SFI1: variants seen among roughly 807,000 people sequenced by gnomAD.
The protein encoded by SFI1 is SFI1 centrin binding protein, also known as protein SFI1 homolog.
Under a neutral mutation model 207.5 loss-of-function variants are expected in SFI1, and 195 were observed. That is an observed-to-expected ratio of 0.94 (90% CI 0.84 to 1.06). The LOEUF is 1.06. Among genes scored for constraint, SFI1 ranks in the 50% least tolerant of loss-of-function variants. SFI1 has a pLI of 0.00. For synonymous variants in SFI1, 630 were observed against 598.9 expected (o/e 1.05, Z -0.76); for missense variants, 1,634 against 1,588.0 (o/e 1.03, Z -0.49).
intron 6 of SFI1, among the ~76,000 whole-genome samples, chr22:31,550,970 C>G (rs894157719): frequency 2.0e-5 from 3 of 152,214 alleles, no homozygotes; most frequent in Non-Finnish European, 4.4e-5. Context: ...TTTGACTCTT[C>G]TGTCTAGGAA....
chr22:31,504,647 G>C (rs2054340784), intron 1 of SFI1, among the ~76,000 whole-genome samples: 1 of 152,102 alleles, frequency 6.6e-6, no homozygotes, highest in African/African-American at 2.4e-5. Context: ...TTCTTTCACA[G>C]TTTTAGAGGC....
At chr22:31,562,390 A>G (rs964996411) in intron 8 of SFI1, among the ~76,000 whole-genome samples, 1 of 151,534 alleles carries the variant, frequency 6.6e-6, no homozygotes, top group African/African-American at 2.4e-5. Flanking sequence ...AACAGTACCA[A>G]TAGCAGTAGC....
chr22:31,615,350 C>A, intron 29 of SFI1, 71 bp downstream of exon 29: 1 of 1,325,044 alleles, frequency 7.5e-7, no homozygotes, highest in Non-Finnish European at 9.9e-7. Context: ...CTTTCTCATG[C>A]CACAGCTGTA....
At chr22:31,588,003 T>C (rs1419193974) in intron 14 of SFI1, 3 of 152,204 alleles carry the variant, frequency 2.0e-5, no homozygotes, top group East Asian at 3.8e-4. Flanking sequence ...CAATTATCTA[T>C]TGCTATGTAA....
chr22:31,586,893 C>T (rs2065092538), intron 14 of SFI1, among the ~76,000 whole-genome samples: 1 of 152,166 alleles, frequency 6.6e-6, no homozygotes, highest in South Asian at 2.1e-4. Context: ...ATGGGAAGAG[C>T]ACTGCTTAGT....
chr22:31,521,443 C>A, intron 2 of SFI1: 1 of 161,616 alleles, frequency 6.2e-6, no homozygotes, highest in South Asian at 1.7e-4. Context: ...GCAGTCACGC[C>A]CCTACACATC....
At chr22:31,549,553 C>T (rs1480291595) in intron 5 of SFI1, among the ~76,000 whole-genome samples, 4 of 151,630 alleles carry the variant, frequency 2.6e-5, no homozygotes, top group Admixed American at 6.6e-5. Context: ...TTAGTAAAGA[C>T]GGGGTTTCAC....
intron 5 of SFI1, among the ~76,000 whole-genome samples, chr22:31,549,426 CA>C (rs2060425601): frequency 6.6e-6 from 1 of 150,824 alleles, no homozygotes; most frequent in Non-Finnish European, 1.5e-5. Flanking sequence ...TGGCTCACTG[CA>C]ACCACTGCCT....
In SFI1 at chr22:31,585,128, C is replaced by G. The variant is rs761359396; in HGVS notation, c.1407C>G (p.Tyr469Ter). The change falls in exon 14 of 33, where the codon TAC (tyrosine) becomes TAG (stop). Residue 469 changes from tyrosine to a stop codon, truncating the protein, a stop_gained. Coordinates refer to ENST00000400288, the MANE Select transcript of SFI1 (RefSeq NM_001007467.3). LOFTEE classifies it high-confidence loss of function. The part of the protein sequence containing the change: ...LWLQYTQKRR[Y>*]KQLLQARADG... ...TACAGTATACTCAGAAGAGGCGGTA[C>G]AAGCAGGTATGGAGTACTTTTTAGC... is the stretch of plus-strand genomic sequence containing the variant. 2.5e-6 allele frequency: 4 copies of G among 1,613,728 alleles called. No individual in the cohort carries two copies.
At chr22:31,548,046 C>G (rs919278252) in intron 5 of SFI1, among the ~76,000 whole-genome samples, 1 of 151,572 alleles carries the variant, frequency 6.6e-6, no homozygotes, top group Middle Eastern at 3.4e-3. Flanking sequence ...AACCCCGTCT[C>G]TACTAAAAAA....
chr22:31,524,141 G>A (rs1007138227), intron 2 of SFI1, among the ~76,000 whole-genome samples: 5 of 152,004 alleles, frequency 3.3e-5, no homozygotes, highest in Admixed American at 6.6e-5. Flanking sequence ...GGCGGAGGTT[G>A]CAGTGAGCCG....
At chr22:31,564,554 G>C (rs1254840839) in intron 8 of SFI1, among the ~76,000 whole-genome samples, 1 of 151,960 alleles carries the variant, frequency 6.6e-6, no homozygotes, top group Non-Finnish European at 1.5e-5. Context: ...GCCCAGTCTG[G>C]AGTGCAGTGG....
chr22:31,606,156 C>A (rs916506498), intron 20 of SFI1, 172 bp from the exon 21 acceptor site: 5 of 634,948 alleles, frequency 7.9e-6, no homozygotes, highest in African/African-American at 7.3e-5. Context: ...TGCTCAGTAG[C>A]CATTTGTTGG....
rs2065208023 is a variant in SFI1, at chr22:31,587,591, C to T, written c.1414-1856C>T. ...AAGTGCTGGGATTACAGGCATGAGC[C>T]ACTGCACCCGGCCTGCTATACCATT... is the stretch of plus-strand genomic sequence containing the variant. On this transcript the variant is annotated intron_variant, in intron 14 of 32. Coordinates refer to ENST00000400288, the MANE Select transcript of SFI1 (RefSeq NM_001007467.3). 3.8e-5 allele frequency: 6 copies of T among 158,654 alleles called. No homozygotes were observed. In the South Asian group the frequency reaches 9.0e-4, roughly 24 times the overall value. The allele number at this position is 158,654 out of a possible 1,614,324, so 9.8% of individuals were successfully genotyped here. A position where few individuals can be genotyped will look rare whatever the true frequency, so the allele number is the denominator to read the frequency against.
intron 2 of SFI1, among the ~76,000 whole-genome samples, chr22:31,510,543 C>A (rs2055343333): frequency 6.6e-6 from 1 of 152,022 alleles, no homozygotes; most frequent in African/African-American, 2.4e-5. Flanking sequence ...AAGCAATTCT[C>A]CTGCCTCAGC....
chr22:31,606,603 T>C, intron 21 of SFI1, 173 bp downstream of exon 21: 1 of 561,490 alleles, frequency 1.8e-6, no homozygotes, highest in Non-Finnish European at 3.2e-6. Flanking sequence ...GTTTAGTTTT[T>C]TACTGAATTA....
intron 15 of SFI1, among the ~76,000 whole-genome samples, chr22:31,600,761 G>T (rs756053520): frequency 3.3e-5 from 5 of 152,162 alleles, no homozygotes; most frequent in Non-Finnish European, 7.3e-5. Flanking sequence ...GGCTCACCTC[G>T]CCCGTGTCCT....
At chr22:31,602,059 G>A (rs1257468685) in intron 15 of SFI1, among the ~76,000 whole-genome samples, 153 bp from the exon 16 acceptor site, 5 of 152,146 alleles carry the variant, frequency 3.3e-5, no homozygotes, top group African/African-American at 7.2e-5. Context: ...TATTAGGATT[G>A]CAGACATGGG....
At chr22:31,602,916 G>A in intron 17 of SFI1, 131 bp downstream of exon 17, 2 of 1,075,176 alleles carry the variant, frequency 1.9e-6, no homozygotes, top group East Asian at 2.6e-5. Flanking sequence ...AGTTCTGGAA[G>A]TTCAACCTAA....
Sources: gnomAD v4.1 joint callset for allele counts (sites outside exome capture counted in the v4.1 genomes callset) on GRCh38, gnomAD v4.1.1 for gene constraint, MANE v1.5 for transcripts, NCBI Gene and HGNC (gene_info 2026-07-23, HGNC 2026-07-21) for gene names.